Variants in B3GALT1 observed in about 807,000 individuals in gnomAD.
B3GALT1 encodes UDP-Gal:betaGlcNAc beta 1,3-galactosyltransferase, polypeptide 1.
B3GALT1 carries 10 observed loss-of-function variants against 23.2 expected under a neutral mutation model. The ratio of observed to expected loss-of-function variants is 0.43; its 90% CI spans 0.27 to 0.73. B3GALT1 has a LOEUF of 0.73. Ranked by LOEUF, B3GALT1 falls within the 30% of genes least tolerant of loss-of-function variation. The probability of loss-of-function intolerance (pLI) is 0.21; values close to 1 mark genes in which losing one functional copy is unlikely to be tolerated. For synonymous variants in B3GALT1, 156 were observed against 141.5 expected, an observed-to-expected ratio of 1.10 and a Z score of -0.73; for missense variants, 299 against 405.4, an observed-to-expected ratio of 0.74 and a Z score of 2.25.
At chr2:167,805,542 A>G (rs368094618) in intron 3 of B3GALT1, among the ~76,000 whole-genome samples, 1 of 152,326 alleles carries the variant, frequency 6.6e-6, no homozygotes, top group East Asian at 1.9e-4. Flanking sequence ...AGCTTTCTAC[A>G]TATGGCTAGC....
At chr2:167,348,436 T>G (rs1180762662) in intron 1 of B3GALT1, among the ~76,000 whole-genome samples, 3 of 152,190 alleles carry the variant, frequency 2.0e-5, no homozygotes, top group African/African-American at 7.2e-5. Flanking sequence ...AGATAAAACT[T>G]CGTAATATAA....
At chr2:167,576,634 A>G (rs1398874761) in intron 2 of B3GALT1, among the ~76,000 whole-genome samples, 3 of 150,900 alleles carry the variant, frequency 2.0e-5, no homozygotes, top group South Asian at 2.1e-4. Context: ...TGTGACATAC[A>G]TAAGATAGAT....
chr2:167,666,551 G>T (rs1445779859), intron 3 of B3GALT1, among the ~76,000 whole-genome samples: 1 of 151,472 alleles, frequency 6.6e-6, no homozygotes, highest in Non-Finnish European at 1.5e-5. Context: ...ACAGTGGGGT[G>T]TTAAAGTCTC....
intron 2 of B3GALT1, among the ~76,000 whole-genome samples, chr2:167,638,860 G>A (rs564973017): frequency 6.6e-6 from 1 of 152,024 alleles, no homozygotes; most frequent in Admixed American, 6.6e-5. Flanking sequence ...CACCAATCTG[G>A]GATTCTAGTT....
intron 1 of B3GALT1, among the ~76,000 whole-genome samples, chr2:167,474,595 C>A (rs1451283329): frequency 1.3e-5 from 2 of 152,196 alleles, no homozygotes; most frequent in East Asian, 3.9e-4. Context: ...ATAATCGTAT[C>A]TTTTTTCTTA....
chr2:167,807,108 G>T (rs1216864172), intron 3 of B3GALT1, among the ~76,000 whole-genome samples: 5 of 152,236 alleles, frequency 3.3e-5, no homozygotes, highest in Admixed American at 2.0e-4. Flanking sequence ...GCGTAGAGGT[G>T]TTTATAGTAT....
intron 2 of B3GALT1, among the ~76,000 whole-genome samples, chr2:167,544,855 A>G (rs2105375993): frequency 6.6e-6 from 1 of 152,198 alleles, no homozygotes; most frequent in Admixed American, 6.5e-5. Context: ...GGCTTCAAGG[A>G]ATGAAGCCGT....
At chr2:167,868,189 A>G (rs1448583537) in intron 4 of B3GALT1, among the ~76,000 whole-genome samples, 1 of 152,224 alleles carries the variant, frequency 6.6e-6, no homozygotes, top group African/African-American at 2.4e-5. Context: ...GAAGTTTCAT[A>G]GAAAATTAGA....
intron 3 of B3GALT1, among the ~76,000 whole-genome samples, chr2:167,658,513 T>G (rs1685996185): frequency 6.6e-6 from 1 of 152,202 alleles, no homozygotes; most frequent in African/African-American, 2.4e-5. Context: ...GAGAACAGAT[T>G]ATGTGCATCT....
At chr2:167,563,950 G>GGA (rs1553467951) in intron 2 of B3GALT1, among the ~76,000 whole-genome samples, 1 of 133,648 alleles carries the variant, frequency 7.5e-6, no homozygotes, top group Non-Finnish European at 1.6e-5. Flanking sequence ...GGCCAGGCGG[G>GGA]GCCGACCCCC....
At chr2:167,650,390 A>G (rs1212478478) in intron 3 of B3GALT1, among the ~76,000 whole-genome samples, 2 of 151,014 alleles carry the variant, frequency 1.3e-5, no homozygotes, top group Non-Finnish European at 3.0e-5. Context: ...CATGTTATAT[A>G]TACATAATCC....
intron 3 of B3GALT1, among the ~76,000 whole-genome samples, chr2:167,653,430 C>G (rs1033875650): frequency 5.9e-5 from 9 of 152,098 alleles, no homozygotes; most frequent in Non-Finnish European, 1.3e-4. Context: ...GATGATCTCA[C>G]TGTTAATTAT....
intron 1 of B3GALT1, among the ~76,000 whole-genome samples, chr2:167,342,810 G>A (rs1386196753): frequency 1.3e-5 from 2 of 151,994 alleles, no homozygotes; most frequent in Non-Finnish European, 2.9e-5. Flanking sequence ...CTGGTCATGG[G>A]GACACCTTTT....
intron 2 of B3GALT1, among the ~76,000 whole-genome samples, chr2:167,617,319 ATC>A (rs1685177760): frequency 6.6e-6 from 1 of 152,130 alleles, no homozygotes; most frequent in South Asian, 2.1e-4. Flanking sequence ...TAATTGTTCC[ATC>A]TCAGCAAACT....
chr2:167,426,387 G>A (rs1698625069), intron 1 of B3GALT1, among the ~76,000 whole-genome samples: 1 of 151,304 alleles, frequency 6.6e-6, no homozygotes, highest in South Asian at 2.1e-4. Flanking sequence ...CAGTTCTCCT[G>A]GCTCTGCCTC....
chr2:167,608,499 CTAAGTG>C (rs1226582068), intron 2 of B3GALT1, among the ~76,000 whole-genome samples: 1 of 152,014 alleles, frequency 6.6e-6, no homozygotes, highest in Non-Finnish European at 1.5e-5. Context: ...CCTCACATGT[CTAAGTG>C]TGAGTGTGTG....
chr2:167,532,323 C>A lies in B3GALT1; in HGVS notation c.-410+42046C>A, dbSNP rs184441165. Among the ~76,000 whole-genome samples the A allele has an allele frequency of 2.0e-5, 3 of 152,192 alleles. No individual in the cohort carries two copies. In the East Asian group the frequency reaches 5.8e-4, roughly 29 times the overall value. On this transcript the variant is annotated intron_variant, in intron 2 of 4. Coordinates refer to ENST00000392690, the MANE Select transcript of B3GALT1 (RefSeq NM_020981.4). ...AGCATAATAAAGAAATGTTCAAGGC[C>A]ATTGAACCACATAATGTGTTAGAAA... is the stretch of plus-strand genomic sequence containing the variant.
chr2:167,333,647 A>C (rs1697011022), intron 1 of B3GALT1, among the ~76,000 whole-genome samples: 2 of 152,154 alleles, frequency 1.3e-5, no homozygotes, highest in Admixed American at 1.3e-4. Context: ...GGAACTGTAT[A>C]AGTAACAGGA....
intron 2 of B3GALT1, among the ~76,000 whole-genome samples, chr2:167,499,217 T>A (rs1205706145): frequency 6.6e-6 from 1 of 152,208 alleles, no homozygotes; most frequent in Non-Finnish European, 1.5e-5. Flanking sequence ...AGTTGCATGT[T>A]GATTTTACTG....
Sources: allele counts gnomAD v4.1 joint callset (sites outside exome capture counted in the v4.1 genomes callset), GRCh38; gene constraint gnomAD v4.1.1; transcripts MANE v1.5; gene names NCBI Gene and HGNC (gene_info 2026-07-23, HGNC 2026-07-21).